Variants in LRP1B observed in about 807,000 individuals in gnomAD.
The protein encoded by LRP1B is LDL receptor related protein 1B.
A neutral mutation model predicts 556.6 loss-of-function variants in LRP1B; 217 were observed. The ratio of observed to expected loss-of-function variants is 0.39; its 90% CI spans 0.35 to 0.44. The LOEUF (loss-of-function observed/expected upper bound fraction) is 0.44, where lower values mean the gene tolerates loss of function less well. Among genes scored for constraint, LRP1B ranks in the 20% least tolerant of loss-of-function variants. The pLI, the probability that LRP1B is intolerant of heterozygous loss-of-function variation, is 1.00. For missense variants in LRP1B, 5,053 were observed against 5,620.8 expected (o/e 0.90, Z 3.23); for synonymous variants, 2,047 against 1,865.8 (o/e 1.10, Z -2.50).
chr2:141,590,829 C>G (rs1467130831), intron 2 of LRP1B, among the ~76,000 whole-genome samples: 1 of 152,186 alleles, frequency 6.6e-6, no homozygotes, highest in Non-Finnish European at 1.5e-5. Flanking sequence ...CATGTCCCAA[C>G]TCATCAGTCC....
chr2:140,974,644 T>C (rs1256278431), intron 18 of LRP1B, among the ~76,000 whole-genome samples: 1 of 152,092 alleles, frequency 6.6e-6, no homozygotes, highest in Non-Finnish European at 1.5e-5. Flanking sequence ...AGAAACAAAA[T>C]GAGTCAGTTA....
intron 2 of LRP1B, among the ~76,000 whole-genome samples, chr2:141,587,247 T>C (rs902393350): frequency 2.6e-5 from 4 of 152,146 alleles, no homozygotes; most frequent in Non-Finnish European, 4.4e-5. Flanking sequence ...GATGTATAGA[T>C]AGTGAAGAAT....
At chr2:141,038,647 C>G (rs1698607761) in intron 11 of LRP1B, among the ~76,000 whole-genome samples, 1 of 152,002 alleles carries the variant, frequency 6.6e-6, no homozygotes, top group Admixed American at 6.6e-5. Context: ...TGAGGTAGTG[C>G]TTCCTACTTT....
chr2:141,308,770 T>C (rs570941506), intron 3 of LRP1B, among the ~76,000 whole-genome samples: 1 of 152,280 alleles, frequency 6.6e-6, no homozygotes, highest in African/African-American at 2.4e-5. Context: ...AAAATGATTG[T>C]TGCTTTTTAA....
chr2:141,737,955 C>T lies in LRP1B; in HGVS notation c.205+72324G>A, dbSNP rs184336138. Among the ~76,000 whole-genome samples, 27 of 152,112 alleles carry T rather than the reference C, an allele frequency of 1.8e-4. No individual in the cohort carries two copies. In the East Asian group the frequency reaches 3.9e-3, roughly 22 times the overall value. ...CCTATCAATATATCTGAACTAGCCACGTCTTTAATCTAGTTTTAAAATTCA... is the reference window on the plus strand; with the variant it reads ...CCTATCAATATATCTGAACTAGCCATGTCTTTAATCTAGTTTTAAAATTCA... On this transcript the variant is annotated intron_variant, in intron 2 of 90. Coordinates refer to ENST00000389484, the MANE Select transcript of LRP1B (RefSeq NM_018557.3).
intron 7 of LRP1B, among the ~76,000 whole-genome samples, chr2:141,145,392 T>C (rs1701755610): frequency 7.7e-6 from 1 of 130,190 alleles, no homozygotes; most frequent in South Asian, 2.7e-4. Flanking sequence ...TTATATTTCA[T>C]TCGTATAGAT....
chr2:141,325,220 C>CTCA (rs141635486), intron 3 of LRP1B, among the ~76,000 whole-genome samples: 1 of 151,396 alleles, frequency 6.6e-6, no homozygotes, highest in African/African-American at 2.4e-5. Flanking sequence ...TCAAATTATC[C>CTCA]ACAAGGAAGA....
intron 22 of LRP1B, 152 bp from the exon 23 acceptor site, chr2:140,903,317 G>T (rs1371004359): frequency 2.5e-6 from 2 of 800,264 alleles, no homozygotes; most frequent in Non-Finnish European, 3.8e-6. Flanking sequence ...TGCTTCAGGG[G>T]TTGGTATAGA....
At chr2:141,991,575 A>G (rs1702346048) in intron 1 of LRP1B, among the ~76,000 whole-genome samples, 1 of 151,932 alleles carries the variant, frequency 6.6e-6, no homozygotes, top group South Asian at 2.1e-4. Flanking sequence ...ATAAAATTGC[A>G]CTCCTTATTT....
At chr2:140,799,318 C>T (rs1349556207) in intron 32 of LRP1B, among the ~76,000 whole-genome samples, 1 of 152,004 alleles carries the variant, frequency 6.6e-6, no homozygotes, top group Non-Finnish European at 1.5e-5. Flanking sequence ...AGTAGAGACA[C>T]CAGAATGCTT....
At chr2:141,112,507 T>C (rs559650982) in intron 7 of LRP1B, among the ~76,000 whole-genome samples, 1 of 152,316 alleles carries the variant, frequency 6.6e-6, no homozygotes, top group Non-Finnish European at 1.5e-5. Context: ...TACGTTAAAA[T>C]AAGCTTTGTT....
At position 140,914,530 on chromosome 2, in the gene LRP1B, G is replaced by A. The variant is rs1036414864; in HGVS notation, c.3320-6453C>T. 5.3e-5 allele frequency among the ~76,000 whole-genome samples: 8 copies of A among 152,170 alleles called. No homozygotes were observed. In the East Asian group the frequency reaches 5.8e-4, roughly 11 times the overall value. On this transcript the variant is annotated intron_variant, in intron 21 of 90. Transcript: ENST00000389484. ...GAAGTGGGAAGTAAATGTCAGTGGC[G>A]GAAATTTTGGAGTCCTAGAGGTGAT...
chr2:142,023,842 C>A (rs746662755), intron 1 of LRP1B, among the ~76,000 whole-genome samples: 6 of 151,428 alleles, frequency 4.0e-5, no homozygotes, highest in Non-Finnish European at 7.4e-5. Context: ...TCCAGCCCTG[C>A]CTCTATGAAG....
At chr2:141,586,133 T>C (rs888716161) in intron 2 of LRP1B, among the ~76,000 whole-genome samples, 2 of 152,204 alleles carry the variant, frequency 1.3e-5, no homozygotes, top group African/African-American at 2.4e-5. Flanking sequence ...AATTCACGTC[T>C]CTTTTCTTTT....
At chr2:140,621,070 C>G (rs1175834703) in intron 41 of LRP1B, among the ~76,000 whole-genome samples, 1 of 151,672 alleles carries the variant, frequency 6.6e-6, no homozygotes, top group Non-Finnish European at 1.5e-5. Context: ...GTTTTTTTAA[C>G]TTTATTACTC....
At chr2:141,648,600 C>A (rs1481257199) in intron 2 of LRP1B, among the ~76,000 whole-genome samples, 3 of 152,316 alleles carry the variant, frequency 2.0e-5, no homozygotes, top group Non-Finnish European at 2.9e-5. Flanking sequence ...GGTCAGGGAT[C>A]ATATCTAGCT....
chr2:141,768,257 T>C (rs1694791148), intron 2 of LRP1B, among the ~76,000 whole-genome samples: 1 of 152,132 alleles, frequency 6.6e-6, no homozygotes, highest in South Asian at 2.1e-4. Context: ...TGTTTTGTTC[T>C]AGAAATTATT....
intron 52 of LRP1B, among the ~76,000 whole-genome samples, chr2:140,507,430 T>C (rs538334219): frequency 6.6e-6 from 1 of 152,292 alleles, no homozygotes; most frequent in East Asian, 1.9e-4. Context: ...AAATAAAACT[T>C]TTTGGTGACT....
intron 1 of LRP1B, among the ~76,000 whole-genome samples, chr2:142,105,269 T>C (rs1383490906): frequency 6.6e-6 from 1 of 152,062 alleles, no homozygotes; most frequent in East Asian, 1.9e-4. Flanking sequence ...ACAGATCTCT[T>C]TGGGTTTCTA....
Sources: gnomAD v4.1 joint callset for allele counts (sites outside exome capture counted in the v4.1 genomes callset) on GRCh38, gnomAD v4.1.1 for gene constraint, MANE v1.5 for transcripts, NCBI Gene and HGNC (gene_info 2026-07-23, HGNC 2026-07-21) for gene names.